Variants in HYDIN observed in about 807,000 individuals in gnomAD.
HYDIN encodes the protein HYDIN axonemal central pair apparatus protein.
HYDIN carries 132 observed loss-of-function variants against 403.9 expected under a neutral mutation model. That is an observed-to-expected ratio of 0.33 (90% confidence interval 0.28 to 0.38). The LOEUF (loss-of-function observed/expected upper bound fraction) is 0.38, where lower values mean the gene tolerates loss of function less well. Among genes scored for constraint, HYDIN ranks in the 10% least tolerant of loss-of-function variants. The pLI is 1.00. For synonymous variants in HYDIN, 1,202 were observed against 1,891.7 expected (o/e 0.64, Z 9.46); for missense variants, 2,827 against 5,009.5 (o/e 0.56, Z 13.15).
intron 42 of HYDIN, among the ~76,000 whole-genome samples, chr16:70,942,063 C>T (rs572080569): frequency 2.1e-5 from 3 of 145,912 alleles, no homozygotes; most frequent in Middle Eastern, 3.6e-3. Flanking sequence ...GTCACTCCAG[C>T]GCCCAGGCTG....
chr16:71,189,241 G>C (rs920616076), intron 1 of HYDIN, among the ~76,000 whole-genome samples: 2 of 152,140 alleles, frequency 1.3e-5, no homozygotes, highest in Non-Finnish European at 2.9e-5. Flanking sequence ...TACAGAAGGA[G>C]TAAAGGAACA....
intron 4 of HYDIN, among the ~76,000 whole-genome samples, chr16:71,178,432 A>ATATATATAT (rs1555501903): frequency 1.2e-5 from 1 of 80,780 alleles, no homozygotes; most frequent in African/African-American, 5.4e-5. Flanking sequence ...AAAAAAAAAA[A>ATATATATAT]AAATATATAT....
chr16:70,875,927 C>G lies in HYDIN; in HGVS notation c.10558-1008G>C, dbSNP rs2040416609. Among the ~76,000 whole-genome samples, 5 of 152,192 alleles carry G rather than the reference C, an allele frequency of 3.3e-5. No homozygotes were observed. In the South Asian group the frequency reaches 1.0e-3, roughly 32 times the overall value. ...CTAGATGCTAAAACATATTATAAAGCCACAATAATGGAAACGATGCAGGGT... is the reference window on the plus strand; with the variant it reads ...CTAGATGCTAAAACATATTATAAAGGCACAATAATGGAAACGATGCAGGGT... On this transcript the variant is annotated intron_variant, in intron 62 of 85. Transcript: ENST00000393567.
intron 9 of HYDIN, among the ~76,000 whole-genome samples, chr16:71,116,038 C>T (rs1325770926): frequency 6.6e-6 from 1 of 151,992 alleles, no homozygotes; most frequent in Non-Finnish European, 1.5e-5. Context: ...GGTCTGTCTA[C>T]TCTCTTAGCA....
At chr16:71,208,981 T>C (rs1433612142) in intron 1 of HYDIN, among the ~76,000 whole-genome samples, 2 of 152,048 alleles carry the variant, frequency 1.3e-5, no homozygotes, top group East Asian at 1.9e-4. Context: ...GAAGAATGGG[T>C]ACCATTCCTA....
chr16:70,887,387 T>G (rs1314607767), intron 58 of HYDIN, among the ~76,000 whole-genome samples: 1 of 151,258 alleles, frequency 6.6e-6, no homozygotes. Flanking sequence ...TAATGTGATG[T>G]GAGAAGGATT....
chr16:70,841,330 G>A (rs2037805549), intron 75 of HYDIN, among the ~76,000 whole-genome samples: 1 of 152,006 alleles, frequency 6.6e-6, no homozygotes. Flanking sequence ...AACATGTTAC[G>A]TTTCTGTTTG....
intron 16 of HYDIN, chr16:71,062,591 C>T: frequency 8.5e-6 from 3 of 353,248 alleles, no homozygotes; most frequent in Non-Finnish European, 1.5e-5. Context: ...TTCAGGGCAA[C>T]AGCTTTCCAC....
intron 19 of HYDIN, among the ~76,000 whole-genome samples, chr16:71,030,464 A>T (rs1232752061): frequency 7.0e-6 from 1 of 143,180 alleles, no homozygotes. Flanking sequence ...ACAGGGTCTC[A>T]CTCTGTCACC....
At chr16:71,204,598 G>C (rs2144715189) in intron 1 of HYDIN, among the ~76,000 whole-genome samples, 1 of 152,288 alleles carries the variant, frequency 6.6e-6, no homozygotes. Flanking sequence ...TATTGGATGG[G>C]TGTCATAACA....
At chr16:70,946,864 G>C (rs1387472257) in intron 41 of HYDIN, among the ~76,000 whole-genome samples, 1 of 152,164 alleles carries the variant, frequency 6.6e-6, no homozygotes, top group Non-Finnish European at 1.5e-5. Flanking sequence ...AAAAGATCAG[G>C]ATTGTGATTT....
At chr16:71,224,117 G>C (rs2040925054) in intron 1 of HYDIN, among the ~76,000 whole-genome samples, 1 of 152,172 alleles carries the variant, frequency 6.6e-6, no homozygotes. Flanking sequence ...TCAACCATAA[G>C]GAGTGACAAA....
At chr16:70,984,681 C>T (rs2079136146) in intron 28 of HYDIN, among the ~76,000 whole-genome samples, 3 of 129,464 alleles carry the variant, frequency 2.3e-5, no homozygotes, top group South Asian at 2.5e-4. Flanking sequence ...AAATATTTTC[C>T]TTTTTTAATA....
intron 5 of HYDIN, 92 bp from the exon 6 acceptor site, chr16:71,162,822 A>G (rs1054036486): frequency 1.7e-6 from 1 of 590,054 alleles, no homozygotes; most frequent in African/African-American, 1.9e-5. Flanking sequence ...GCATTTTGCA[A>G]AACAACTTTT....
chr16:71,028,052 C>A (rs1018958), intron 19 of HYDIN, among the ~76,000 whole-genome samples, 177 bp from the exon 20 acceptor site: 1 of 146,148 alleles, frequency 6.8e-6, no homozygotes, highest in Admixed American at 7.1e-5. Flanking sequence ...ACTAACACAG[C>A]GTTGGCATCA....
At chr16:70,832,768 C>A in intron 80 of HYDIN, 80 bp downstream of exon 80, 2 of 1,165,312 alleles carry the variant, frequency 1.7e-6, no homozygotes, top group Admixed American at 1.8e-5. Context: ...GGCAGGCCTG[C>A]CTGTTTGAAG....
At chr16:71,060,394 A>G (rs1229743512) in intron 18 of HYDIN, 110 bp downstream of exon 18, 1 of 650,650 alleles carries the variant, frequency 1.5e-6, no homozygotes, top group Non-Finnish European at 2.8e-6. Context: ...TAATACAACA[A>G]CATAACCATG....
At chr16:71,152,626 T>C (rs1345721703) in intron 7 of HYDIN, 33 bp downstream of exon 7, 8 of 693,996 alleles carry the variant, frequency 1.2e-5, no homozygotes, top group African/African-American at 1.8e-5. Context: ...CCTTTCTTAA[T>C]ATGTAGAACT....
intron 23 of HYDIN, among the ~76,000 whole-genome samples, chr16:71,005,068 C>A (rs2079851433): frequency 6.6e-6 from 1 of 152,182 alleles, no homozygotes; most frequent in Admixed American, 6.5e-5. Flanking sequence ...TGATTTCTGA[C>A]AGAACAGATT....
Sources: allele counts gnomAD v4.1 joint callset (sites outside exome capture counted in the v4.1 genomes callset), GRCh38; gene constraint gnomAD v4.1.1; transcripts MANE v1.5; gene names NCBI Gene and HGNC (gene_info 2026-07-23, HGNC 2026-07-21).